LRRC1: variants seen among roughly 807,000 people sequenced by gnomAD.
LRRC1 encodes leucine-rich repeat-containing protein 1.
LRRC1 carries 28 observed loss-of-function variants against 69.9 expected under a neutral mutation model. That is an observed-to-expected ratio of 0.40 (90% CI 0.30 to 0.55). The LOEUF (loss-of-function observed/expected upper bound fraction) is 0.55, where lower values mean the gene tolerates loss of function less well. Among genes scored for constraint, LRRC1 ranks in the 20% least tolerant of loss-of-function variants. The pLI is 0.47. For missense variants in LRRC1, 498 were observed against 609.0 expected, an observed-to-expected ratio of 0.82 and a Z score of 1.92; for synonymous variants, 236 against 240.2, an observed-to-expected ratio of 0.98 and a Z score of 0.16.
At chr6:53,804,556 C>T (rs932102003) in intron 1 of LRRC1, among the ~76,000 whole-genome samples, 1 of 152,126 alleles carries the variant, frequency 6.6e-6, no homozygotes, top group African/African-American at 2.4e-5. Context: ...TTTTTCATAT[C>T]GATGTATATA....
At chr6:53,871,001 G>T (rs1766865552) in intron 2 of LRRC1, among the ~76,000 whole-genome samples, 1 of 152,140 alleles carries the variant, frequency 6.6e-6, no homozygotes, top group Non-Finnish European at 1.5e-5. Flanking sequence ...ATAGTACATT[G>T]TGTGAAATAT....
At chr6:53,802,266 C>G (rs774343083) in intron 1 of LRRC1, among the ~76,000 whole-genome samples, 1 of 152,062 alleles carries the variant, frequency 6.6e-6, no homozygotes, top group East Asian at 1.9e-4. Flanking sequence ...GAATAGAGTC[C>G]GGGAGACCAG....
At chr6:53,840,966 A>G (rs1765770709) in intron 1 of LRRC1, among the ~76,000 whole-genome samples, 1 of 149,584 alleles carries the variant, frequency 6.7e-6, no homozygotes, top group African/African-American at 2.5e-5. Flanking sequence ...GTGGCAGTGG[A>G]GATCAGATGA....
chr6:53,919,837 C>T (rs530408353), intron 12 of LRRC1, among the ~76,000 whole-genome samples, 167 bp downstream of exon 12: 20 of 152,362 alleles, frequency 1.3e-4, no homozygotes, highest in African/African-American at 4.3e-4. Context: ...GGTTACCCTA[C>T]ATCCTTGCAG....
At chr6:53,867,431 T>G (rs1254176452) in intron 2 of LRRC1, among the ~76,000 whole-genome samples, 1 of 151,190 alleles carries the variant, frequency 6.6e-6, no homozygotes, top group African/African-American at 2.5e-5. Flanking sequence ...ATTTCTAAAG[T>G]ATGACTATAA....
At chr6:53,844,092 A>G (rs2127416925) in intron 2 of LRRC1, among the ~76,000 whole-genome samples, 1 of 151,936 alleles carries the variant, frequency 6.6e-6, no homozygotes, top group Admixed American at 6.5e-5. Flanking sequence ...ACACTGGAGT[A>G]TGGGGTGGGG....
At chr6:53,807,776 AACAACAC>A (rs371531649) in intron 1 of LRRC1, among the ~76,000 whole-genome samples, 1 of 151,552 alleles carries the variant, frequency 6.6e-6, no homozygotes, top group Non-Finnish European at 1.5e-5. Flanking sequence ...CAACAACAAC[AACAACAC>A]CCCCCAAAAC....
chr6:53,849,275 G>A (rs1318913936), intron 2 of LRRC1, among the ~76,000 whole-genome samples: 1 of 152,128 alleles, frequency 6.6e-6, no homozygotes, highest in Admixed American at 6.5e-5. Context: ...CTCTGTGTTA[G>A]ATCTTGACTT....
chr6:53,918,256 C>T (rs1413127538), intron 11 of LRRC1, among the ~76,000 whole-genome samples: 2 of 152,238 alleles, frequency 1.3e-5, no homozygotes, highest in African/African-American at 4.8e-5. Flanking sequence ...ACTTAAGTTA[C>T]AGTTTCACAG....
At chr6:53,900,574 T>A (rs1429319799) in intron 8 of LRRC1, among the ~76,000 whole-genome samples, 1 of 152,246 alleles carries the variant, frequency 6.6e-6, no homozygotes, top group Non-Finnish European at 1.5e-5. Flanking sequence ...TAATTTGGCA[T>A]CCTAATAGTT....
intron 1 of LRRC1, among the ~76,000 whole-genome samples, chr6:53,841,531 T>C (rs1765790313): frequency 6.6e-6 from 1 of 152,178 alleles, no homozygotes; most frequent in South Asian, 2.1e-4. Flanking sequence ...TTTAGTGTCA[T>C]TTTAATACAG....
intron 1 of LRRC1, among the ~76,000 whole-genome samples, chr6:53,825,191 G>A (rs899279116): frequency 6.6e-6 from 1 of 152,130 alleles, no homozygotes; most frequent in Non-Finnish European, 1.5e-5. Flanking sequence ...TTGTAATTTT[G>A]TTCATGTGCT....
intron 2 of LRRC1, among the ~76,000 whole-genome samples, chr6:53,868,116 T>C (rs978292037): frequency 6.6e-6 from 1 of 152,118 alleles, no homozygotes; most frequent in Non-Finnish European, 1.5e-5. Context: ...GTATTTCTAG[T>C]ACTTTAAGGT....
chr6:53,896,955 G>T, intron 6 of LRRC1, 63 bp downstream of exon 6: 1 of 1,105,060 alleles, frequency 9.0e-7, no homozygotes. Flanking sequence ...CAGTATTTGG[G>T]GGAGTTCTAT....
intron 9 of LRRC1, 113 bp downstream of exon 9, chr6:53,902,860 T>C: frequency 3.0e-6 from 2 of 665,692 alleles, no homozygotes; most frequent in Non-Finnish European, 5.1e-6. Context: ...AAAACGGTCT[T>C]ACAAAGCAAA....
At chr6:53,836,843 T>C (rs1470562881) in intron 1 of LRRC1, among the ~76,000 whole-genome samples, 1 of 152,182 alleles carries the variant, frequency 6.6e-6, no homozygotes, top group Non-Finnish European at 1.5e-5. Context: ...CCCCCTCTTA[T>C]ATCTAGAGGT....
At chr6:53,881,089 C>T (rs1281012773) in intron 3 of LRRC1, among the ~76,000 whole-genome samples, 1 of 152,092 alleles carries the variant, frequency 6.6e-6, no homozygotes, top group African/African-American at 2.4e-5. Context: ...TGTTTTAATT[C>T]TGGCTTTCTA....
At chr6:53,838,263 T>C (rs981973255) in intron 1 of LRRC1, among the ~76,000 whole-genome samples, 12 of 152,210 alleles carry the variant, frequency 7.9e-5, no homozygotes, top group Non-Finnish European at 1.5e-5. Context: ...TCATGTCAGA[T>C]GGGGTTGTTT....
Position 53,879,063 on chromosome 6 carries a change from A to T in LRRC1, c.348A>T (p.Pro116=). The T allele has an allele frequency of 6.2e-7, 1 of 1,610,946 alleles. No homozygotes were observed. ...AGGTAGCTGACTTCAGCGGAAACCC[A>T]CTGACTAGGTAAGCTTTCTGCTTAC... ...ALQVADFSGN[P]LTRLPESFPE... Residue 116 remains proline, a synonymous_variant, in exon 3 of 14, where the codon CCA becomes CCT. Transcript: ENST00000370888.
Sources: gnomAD v4.1 joint callset for allele counts (sites outside exome capture counted in the v4.1 genomes callset) on GRCh38, gnomAD v4.1.1 for gene constraint, MANE v1.5 for transcripts, NCBI Gene and HGNC (gene_info 2026-07-23, HGNC 2026-07-21) for gene names.